Variants in ST8SIA1 observed in about 807,000 individuals in gnomAD.
ST8SIA1 encodes ST8 alpha-N-acetyl-neuraminide alpha-2,8-sialyltransferase 1.
In ST8SIA1, 16 loss-of-function variants were observed where a neutral mutation model predicts 35.9. The observed-to-expected ratio is 0.45, with a 90% CI of 0.30 to 0.68. ST8SIA1 has a LOEUF of 0.68. Among genes scored for constraint, ST8SIA1 ranks in the 30% least tolerant of loss-of-function variants. ST8SIA1 has a pLI of 0.09. For synonymous variants in ST8SIA1, 170 were observed against 169.6 expected, an observed-to-expected ratio of 1.00 and a Z score of -0.02; for missense variants, 383 against 453.6, an observed-to-expected ratio of 0.84 and a Z score of 1.41.
chr12:22,243,285 G>C (rs143180469), intron 4 of ST8SIA1, among the ~76,000 whole-genome samples: 24 of 152,176 alleles, frequency 1.6e-4, no homozygotes, highest in African/African-American at 5.5e-4. Flanking sequence ...TGCCCAACAA[G>C]TTTAATTTTT....
At chr12:22,249,759 T>A (rs1181595704) in intron 3 of ST8SIA1, among the ~76,000 whole-genome samples, 2 of 152,212 alleles carry the variant, frequency 1.3e-5, no homozygotes, top group Admixed American at 1.3e-4. Context: ...ACAGACATTC[T>A]TAGACCTGAA....
At chr12:22,246,206 G>T (rs1039418181) in intron 4 of ST8SIA1, among the ~76,000 whole-genome samples, 11 of 152,138 alleles carry the variant, frequency 7.2e-5, no homozygotes, top group Admixed American at 6.5e-4. Context: ...CAATCTGTGG[G>T]ATCTGACACT....
At chr12:22,240,978 C>CTTTTTTT (rs35021216) in intron 4 of ST8SIA1, among the ~76,000 whole-genome samples, 1 of 130,454 alleles carries the variant, frequency 7.7e-6, no homozygotes, top group African/African-American at 2.8e-5. Context: ...CATGCCAACT[C>CTTTTTTT]TTTTTTTTTT....
At chr12:22,246,325 G>T (rs957004241) in intron 4 of ST8SIA1, among the ~76,000 whole-genome samples, 3 of 152,232 alleles carry the variant, frequency 2.0e-5, no homozygotes, top group African/African-American at 7.2e-5. Context: ...CTTGGTGGCA[G>T]AAGTTTTCTA....
chr12:22,304,651 T>A (rs1367795616), intron 1 of ST8SIA1, among the ~76,000 whole-genome samples: 1 of 152,206 alleles, frequency 6.6e-6, no homozygotes, highest in Non-Finnish European at 1.5e-5. Flanking sequence ...ACTCTCAGGT[T>A]TTTAGGGAGA....
intron 2 of ST8SIA1, among the ~76,000 whole-genome samples, chr12:22,258,247 T>TG (rs1224413735): frequency 6.6e-6 from 1 of 152,118 alleles, no homozygotes; most frequent in Non-Finnish European, 1.5e-5. Context: ...AGCAGGTTTC[T>TG]GGGGAACGAT....
At chr12:22,288,607 T>A (rs1021099591) in intron 1 of ST8SIA1, among the ~76,000 whole-genome samples, 3 of 152,128 alleles carry the variant, frequency 2.0e-5, no homozygotes, top group African/African-American at 7.2e-5. Flanking sequence ...GTGCCTCCCC[T>A]TGCACTCTCT....
Position 22,255,320 on chromosome 12 carries a change from C to CA in ST8SIA1, c.450dup (p.Gly151TrpfsTer8). 6.2e-7 allele frequency: 1 copy of CA among 1,614,204 alleles called. No homozygotes were observed. The highest frequency in any genetic ancestry group is 8.5e-7 in the Non-Finnish European group (1 of 1,180,034). On this transcript the variant is annotated frameshift_variant, in exon 3 of 5. Coordinates refer to ENST00000396037, the MANE Select transcript of ST8SIA1 (RefSeq NM_003034.4). LOFTEE classifies it high-confidence loss of function. ...GCTTCATCTATTTGACGGCCACAGCCACTCTTCTTCAGAATCCCACCATTT... is the reference window on the plus strand; with the variant it reads ...GCTTCATCTATTTGACGGCCACAGCCAACTCTTCTTCAGAATCCCACCATTT...
intron 4 of ST8SIA1, among the ~76,000 whole-genome samples, chr12:22,216,409 G>A (rs534395644): frequency 6.6e-6 from 1 of 152,088 alleles, no homozygotes; most frequent in African/African-American, 2.4e-5. Context: ...TCATCAAAAG[G>A]GTCATGCTCG....
At chr12:22,241,096 C>A (rs1865536027) in intron 4 of ST8SIA1, among the ~76,000 whole-genome samples, 1 of 151,782 alleles carries the variant, frequency 6.6e-6, no homozygotes, top group South Asian at 2.1e-4. Context: ...TGGGCTCAAG[C>A]AATCCTCTCA....
intron 1 of ST8SIA1, among the ~76,000 whole-genome samples, chr12:22,319,016 C>T (rs530968661): frequency 1.3e-5 from 2 of 152,338 alleles, no homozygotes; most frequent in Non-Finnish European, 2.9e-5. Flanking sequence ...AAAAGAGGAG[C>T]TGATGCATAG....
intron 2 of ST8SIA1, among the ~76,000 whole-genome samples, chr12:22,272,235 C>T (rs12816677): frequency 6.6e-6 from 1 of 152,056 alleles, no homozygotes; most frequent in Non-Finnish European, 1.5e-5. Flanking sequence ...TTGCAGAGAG[C>T]ACTTTGCTAC....
intron 4 of ST8SIA1, among the ~76,000 whole-genome samples, chr12:22,219,412 T>C (rs1418721793): frequency 6.6e-6 from 1 of 152,146 alleles, no homozygotes; most frequent in Non-Finnish European, 1.5e-5. Flanking sequence ...ATCCTTCTCT[T>C]GGGATGCAGC....
chr12:22,243,026 C>T (rs1321160755), intron 4 of ST8SIA1, among the ~76,000 whole-genome samples: 2 of 152,194 alleles, frequency 1.3e-5, no homozygotes, highest in East Asian at 3.8e-4. Context: ...CTCCTTCTTA[C>T]TGAGAATTTC....
At chr12:22,282,612 G>A (rs543204161) in intron 2 of ST8SIA1, among the ~76,000 whole-genome samples, 1 of 152,258 alleles carries the variant, frequency 6.6e-6, no homozygotes, top group Non-Finnish European at 1.5e-5. Context: ...GGAGCTTGAT[G>A]GCACACTATG....
chr12:22,201,426 T>C lies in ST8SIA1; in HGVS notation c.*126A>G, dbSNP rs1865046700. ...AAGTAAAGTTTTGCTTGGATCTTCA[T>C]TGCTCCTTTCCTGTTTTTCCAAGGG... On this transcript the variant is annotated 3_prime_UTR_variant, in exon 5 of 5. Coordinates refer to ENST00000396037, the MANE Select transcript of ST8SIA1 (RefSeq NM_003034.4). 3.8e-6 allele frequency: 5 copies of C among 1,328,336 alleles called. No homozygotes were observed. In the East Asian group the frequency reaches 1.2e-4, roughly 31 times the overall value. 82.3% of individuals were successfully genotyped at this position (1,328,336 alleles called of 1,614,324 possible).
chr12:22,254,699 G>T (rs1045699933), intron 3 of ST8SIA1, among the ~76,000 whole-genome samples: 1 of 152,076 alleles, frequency 6.6e-6, no homozygotes, highest in African/African-American at 2.4e-5. Flanking sequence ...TCATGCTCCC[G>T]CAGGGGCCTC....
chr12:22,223,576 C>A (rs998136616), intron 4 of ST8SIA1: 4 of 1,050,364 alleles, frequency 3.8e-6, no homozygotes. Flanking sequence ...ATTTTTCAAG[C>A]CAGATTCTGA....
intron 2 of ST8SIA1, among the ~76,000 whole-genome samples, chr12:22,279,230 A>C (rs1279262821): frequency 6.6e-6 from 1 of 152,156 alleles, no homozygotes; most frequent in Non-Finnish European, 1.5e-5. Flanking sequence ...AGCTATGGGA[A>C]TCACTACCAA....
Sources: gnomAD v4.1 joint callset for allele counts (sites outside exome capture counted in the v4.1 genomes callset) on GRCh38, gnomAD v4.1.1 for gene constraint, MANE v1.5 for transcripts, NCBI Gene and HGNC (gene_info 2026-07-23, HGNC 2026-07-21) for gene names.